POTEE: variants seen among roughly 807,000 people sequenced by gnomAD.
The protein encoded by POTEE is POTE ankyrin domain family member E.
In POTEE, 21 loss-of-function variants were observed where a neutral mutation model predicts 74.2. That is an observed-to-expected ratio of 0.28 (90% CI 0.20 to 0.41). The LOEUF (loss-of-function observed/expected upper bound fraction) is 0.41. POTEE is among the 10% of genes least tolerant of loss of function. The pLI, the probability that POTEE is intolerant of heterozygous loss-of-function variation, is 1.00. For synonymous variants in POTEE, 211 were observed against 432.8 expected (o/e 0.49, Z 6.36); for missense variants, 525 against 1,158.6 (o/e 0.45, Z 7.94).
Position 131,264,002 on chromosome 2 carries a change from T to C in POTEE, c.2547T>C (p.Thr849=), listed in dbSNP as rs1229479168. Residue 849 remains threonine, a synonymous_variant, in exon 18 of 18, where the codon ACT becomes ACC. Coordinates refer to ENST00000683005, the MANE Select transcript of POTEE (RefSeq NM_001083538.3). The part of the protein sequence containing the change: ...VPSLYTSGRT[T]GIVMDSGDGV... ...CCCTGTACACCTCTGGCCGTACTAC[T>C]GGCATCGTGATGGACTCTGGTGACG... The C allele has an allele frequency of 1.2e-6, 2 of 1,614,214 alleles. No individual in the cohort carries two copies. The highest frequency in any genetic ancestry group is 1.7e-6 in the Non-Finnish European group (2 of 1,180,030).
intron 16 of POTEE, among the ~76,000 whole-genome samples, chr2:131,258,473 T>G (rs1701621496): frequency 1.5e-5 from 2 of 129,080 alleles, no homozygotes; most frequent in African/African-American, 6.6e-5. Flanking sequence ...TTAGTCTCTT[T>G]GTCAGTTCAT....
intron 13 of POTEE, among the ~76,000 whole-genome samples, chr2:131,245,763 A>G (rs1701341054): frequency 1.9e-5 from 1 of 51,558 alleles, no homozygotes; most frequent in Non-Finnish European, 5.6e-5. Context: ...AGACAGTGAC[A>G]GATCATCAGG....
chr2:131,213,461 C>T (rs544976867), intron 2 of POTEE, among the ~76,000 whole-genome samples: 2 of 151,964 alleles, frequency 1.3e-5, no homozygotes, highest in East Asian at 3.9e-4. Context: ...AATTTGAACA[C>T]TTGTTATTTT....
intron 1 of POTEE, among the ~76,000 whole-genome samples, chr2:131,210,103 G>C (rs1037315987): frequency 7.4e-5 from 11 of 148,024 alleles, no homozygotes; most frequent in Non-Finnish European, 1.3e-4. Context: ...ACTGCCCGGG[G>C]CAGGGAGTGG....
chr2:131,258,468 C>T (rs1701621203), intron 16 of POTEE, among the ~76,000 whole-genome samples: 1 of 131,166 alleles, frequency 7.6e-6, no homozygotes, highest in Non-Finnish European at 1.6e-5. Context: ...AGATTTTAGT[C>T]TCTTTGTCAG....
intron 12 of POTEE, among the ~76,000 whole-genome samples, chr2:131,243,313 C>T (rs1204683885): frequency 6.7e-6 from 1 of 150,282 alleles, no homozygotes; most frequent in East Asian, 2.0e-4. Context: ...CTGGCCATCT[C>T]AACTTTCCCA....
chr2:131,211,709 C>T (rs1375012468), intron 2 of POTEE, among the ~76,000 whole-genome samples: 16 of 151,302 alleles, frequency 1.1e-4, no homozygotes, highest in African/African-American at 2.2e-4. Context: ...CCTGCCACCA[C>T]GCCCAGCCAA....
chr2:131,220,482 G>A (rs982516763), intron 4 of POTEE, among the ~76,000 whole-genome samples: 4 of 151,018 alleles, frequency 2.6e-5, no homozygotes, highest in African/African-American at 7.4e-5. Flanking sequence ...GGGGTTACAG[G>A]CGTGAGCCAC....
At chr2:131,231,294 C>T (rs1416091023) in intron 9 of POTEE, among the ~76,000 whole-genome samples, 2 of 149,688 alleles carry the variant, frequency 1.3e-5, no homozygotes, top group Non-Finnish European at 3.0e-5. Context: ...AGTGCTATCA[C>T]TGATCTGACT....
Position 131,263,685 on chromosome 2 carries a change from ATGGGGGGCATGC to A in POTEE, c.2231_2242del (p.Met744_His748delinsAsn), listed in dbSNP as rs1344796978. ...GGGGCGCCCCAGGCAGCAGGGCATGATGGGGGGCATGCATCAGAAAGAGTCCTATGTGGGCAA... is the reference window on the plus strand; with the variant it reads ...GGGGCGCCCCAGGCAGCAGGGCATGAATCAGAAAGAGTCCTATGTGGGCAA... On this transcript the variant is annotated inframe_deletion, in exon 18 of 18. Transcript: ENST00000683005. 6.2e-7 allele frequency: 1 copy of A among 1,604,956 alleles called. No individual in the cohort carries two copies. Among genetic ancestry groups the A allele is most frequent in the African/African-American group, 1.3e-5 (1 of 74,500 alleles).
At chr2:131,231,928 A>G (rs1700974795) in intron 9 of POTEE, among the ~76,000 whole-genome samples, 1 of 152,170 alleles carries the variant, frequency 6.6e-6, no homozygotes, top group African/African-American at 2.4e-5. Context: ...TATAAGTTGC[A>G]GGAGACAAAG....
chr2:131,253,969 T>A (rs1278848334), intron 16 of POTEE, among the ~76,000 whole-genome samples: 254 of 150,604 alleles, frequency 1.7e-3, no homozygotes, highest in Admixed American at 3.8e-3. Flanking sequence ...TATTTCACAA[T>A]TAAAATGTAT....
intron 6 of POTEE, 57 bp from the exon 7 acceptor site, chr2:131,226,766 T>C (rs1700792146): frequency 6.2e-7 from 1 of 1,608,500 alleles, no homozygotes; most frequent in African/African-American, 1.3e-5. Context: ...TCCACTTTGG[T>C]TGAGGAATAT....
At chr2:131,223,511 A>C (rs1700687758) in intron 4 of POTEE, 85 bp from the exon 5 acceptor site, 2 of 1,163,024 alleles carry the variant, frequency 1.7e-6, no homozygotes, top group East Asian at 2.5e-5. Flanking sequence ...ATAGCAGGCT[A>C]TTCAGTGTTT....
chr2:131,213,318 A>G lies in POTEE; in HGVS notation c.-189+2135A>G, dbSNP rs1020895322. On this transcript the variant is annotated intron_variant, in intron 2 of 17. Transcript: ENST00000683005. ...TGTCGAGCCCTCTTTTATTCCTAGT[A>G]TTACTACTTTAGGTGTGAACTTTTT... 1.1e-4 allele frequency among the ~76,000 whole-genome samples: 17 copies of G among 150,674 alleles called. No individual in the cohort carries two copies. In the East Asian group the frequency reaches 3.2e-3, roughly 28 times the overall value.
chr2:131,234,172 A>C (rs1470572874), intron 9 of POTEE, among the ~76,000 whole-genome samples: 1 of 151,686 alleles, frequency 6.6e-6, no homozygotes, highest in African/African-American at 2.4e-5. Flanking sequence ...TAATGGATAA[A>C]GATGAATATC....
chr2:131,230,525 A>C (rs917759696), intron 8 of POTEE, among the ~76,000 whole-genome samples: 1 of 152,214 alleles, frequency 6.6e-6, no homozygotes, highest in Admixed American at 6.5e-5. Context: ...GTCCAAGAAC[A>C]AATAGCTGTT....
chr2:131,214,417 A>G (rs1291832585), intron 2 of POTEE, among the ~76,000 whole-genome samples: 1 of 152,280 alleles, frequency 6.6e-6, no homozygotes, highest in Non-Finnish European at 1.5e-5. Context: ...GACTAATTAC[A>G]AAAGAGGGAA....
At chr2:131,225,214 G>C (rs1401136931) in intron 6 of POTEE, among the ~76,000 whole-genome samples, 15 of 152,102 alleles carry the variant, frequency 9.9e-5, no homozygotes, top group Non-Finnish European at 1.8e-4. Context: ...TTTTGATACA[G>C]TAAGTCTAAT....
Sources: gnomAD v4.1 joint callset for allele counts (sites outside exome capture counted in the v4.1 genomes callset) on GRCh38, gnomAD v4.1.1 for gene constraint, MANE v1.5 for transcripts, NCBI Gene and HGNC (gene_info 2026-07-23, HGNC 2026-07-21) for gene names.